The following NDFIP2 variants were observed in gnomAD, a reference collection of about 807,000 sequenced individuals.
NDFIP2 encodes the protein NEDD4 family-interacting protein 2.
In NDFIP2, 19 loss-of-function variants were observed where a neutral mutation model predicts 36.0. The ratio of observed to expected loss-of-function variants is 0.53; its 90% CI spans 0.37 to 0.77. The LOEUF (loss-of-function observed/expected upper bound fraction) is 0.77. NDFIP2 is among the 30% of genes least tolerant of loss of function. The pLI is 0.00. For missense variants in NDFIP2, 446 were observed against 435.8 expected, an observed-to-expected ratio of 1.02 and a Z score of -0.21; for synonymous variants, 181 against 167.7, an observed-to-expected ratio of 1.08 and a Z score of -0.61.
chr13:79,535,803 G>A (rs1028502002), intron 3 of NDFIP2, among the ~76,000 whole-genome samples: 1 of 151,848 alleles, frequency 6.6e-6, no homozygotes, highest in African/African-American at 2.4e-5. Context: ...AATATTTGAG[G>A]TACTGTACAT....
chr13:79,534,968 C>T (rs753507683), intron 3 of NDFIP2, among the ~76,000 whole-genome samples: 2 of 152,068 alleles, frequency 1.3e-5, no homozygotes, highest in South Asian at 2.1e-4. Flanking sequence ...CAGTAAACTC[C>T]GAATTTATTT....
chr13:79,493,944 A>G (rs942526510), intron 1 of NDFIP2, among the ~76,000 whole-genome samples: 1 of 152,144 alleles, frequency 6.6e-6, no homozygotes, highest in Non-Finnish European at 1.5e-5. Context: ...CAAAAGACGA[A>G]TAATTAAAAA....
chr13:79,549,055 T>C (rs1566669491), intron 6 of NDFIP2, among the ~76,000 whole-genome samples: 1 of 151,990 alleles, frequency 6.6e-6, no homozygotes, highest in African/African-American at 2.4e-5. Flanking sequence ...ACCTTTTGTT[T>C]CTAGTTAAGA....
chr13:79,542,394 G>A (rs538159094), intron 4 of NDFIP2, among the ~76,000 whole-genome samples: 2 of 152,266 alleles, frequency 1.3e-5, no homozygotes, highest in African/African-American at 4.8e-5. Context: ...TTGCCAAACT[G>A]TCTTCCAAAG....
chr13:79,507,153 G>C (rs1350237328), intron 1 of NDFIP2, among the ~76,000 whole-genome samples: 3 of 151,946 alleles, frequency 2.0e-5, no homozygotes, highest in Non-Finnish European at 4.4e-5. Context: ...CTGTTTACCA[G>C]AAGTTAGTCT....
intron 5 of NDFIP2, among the ~76,000 whole-genome samples, chr13:79,545,850 C>T (rs945655370): frequency 9.9e-5 from 15 of 152,136 alleles, no homozygotes; most frequent in African/African-American, 3.6e-4. Flanking sequence ...AATTCTCCTG[C>T]CTCATCCTCC....
intron 2 of NDFIP2, among the ~76,000 whole-genome samples, 184 bp downstream of exon 2, chr13:79,521,159 G>A (rs1874567258): frequency 1.3e-5 from 2 of 151,988 alleles, no homozygotes; most frequent in East Asian, 1.9e-4. Flanking sequence ...ATGTGTGTAT[G>A]TATATATGTG....
intron 1 of NDFIP2, among the ~76,000 whole-genome samples, chr13:79,488,074 A>G (rs1470169530): frequency 6.6e-6 from 1 of 152,072 alleles, no homozygotes; most frequent in East Asian, 1.9e-4. Flanking sequence ...CTTTTTCTCA[A>G]AGGTGTGTTA....
At chr13:79,529,325 A>G (rs980731415) in intron 2 of NDFIP2, among the ~76,000 whole-genome samples, 6 of 152,154 alleles carry the variant, frequency 3.9e-5, no homozygotes, top group Non-Finnish European at 7.3e-5. Context: ...TTCATGTATT[A>G]GTGGTAGGGA....
At chr13:79,505,674 T>C (rs1214945160) in intron 1 of NDFIP2, among the ~76,000 whole-genome samples, 1 of 149,636 alleles carries the variant, frequency 6.7e-6, no homozygotes, top group East Asian at 1.9e-4. Flanking sequence ...AAAGAATAGG[T>C]AGTATTGCTG....
chr13:79,510,998 C>CA (rs11425903), intron 1 of NDFIP2, among the ~76,000 whole-genome samples: 14,497 of 95,188 alleles, frequency 0.15, 1,104 homozygotes, highest in African/African-American at 0.27. Context: ...GACTCTGTCT[C>CA]AAAAAAAAAA....
intron 5 of NDFIP2, among the ~76,000 whole-genome samples, chr13:79,545,154 T>C (rs1239527355): frequency 6.6e-6 from 1 of 152,176 alleles, no homozygotes; most frequent in Non-Finnish European, 1.5e-5. Context: ...ATTATTCAAA[T>C]GGGATTTCTC....
chr13:79,540,594 G>A (rs1195225001), intron 4 of NDFIP2, among the ~76,000 whole-genome samples: 1 of 152,074 alleles, frequency 6.6e-6, no homozygotes, highest in Non-Finnish European at 1.5e-5. Flanking sequence ...TTAGTTAAAA[G>A]CTTTATTATG....
At chr13:79,536,892 G>A (rs1875263107) in intron 3 of NDFIP2, among the ~76,000 whole-genome samples, 1 of 151,930 alleles carries the variant, frequency 6.6e-6, no homozygotes, top group African/African-American at 2.4e-5. Context: ...GCTAGGTGTG[G>A]TGGCATGCAC....
At chr13:79,504,647 G>C (rs9574433) in intron 1 of NDFIP2, among the ~76,000 whole-genome samples, 1 of 134,386 alleles carries the variant, frequency 7.4e-6, no homozygotes, top group Non-Finnish European at 1.6e-5. Context: ...TTTTTTTTTT[G>C]TCTTTCATTA....
At chr13:79,534,401 A>AT (rs1467632048) in intron 3 of NDFIP2, among the ~76,000 whole-genome samples, 1 of 138,434 alleles carries the variant, frequency 7.2e-6, no homozygotes, top group South Asian at 2.3e-4. Flanking sequence ...GAATTTTGGA[A>AT]TGATGATCAA....
chr13:79,543,213 G>C (rs1875529514), intron 4 of NDFIP2, among the ~76,000 whole-genome samples: 1 of 152,166 alleles, frequency 6.6e-6, no homozygotes, highest in Non-Finnish European at 1.5e-5. Flanking sequence ...TTTGTTGGCT[G>C]ATTGCTTAGG....
chr13:79,523,161 A>G (rs1486786654), intron 2 of NDFIP2, among the ~76,000 whole-genome samples: 1 of 152,190 alleles, frequency 6.6e-6, no homozygotes, highest in South Asian at 2.1e-4. Context: ...CTAGAGCTAC[A>G]GCTAGCACTG....
chr13:79,497,660 G>GTTTTTTTTTTTTTTTT (rs1282594237), intron 1 of NDFIP2, among the ~76,000 whole-genome samples: 1 of 126,734 alleles, frequency 7.9e-6, no homozygotes, highest in Admixed American at 7.8e-5. Context: ...AGATTTCTGA[G>GTTTTTTTTTTTTTTTT]TTTTTTTTTT....
Sources: gnomAD v4.1 joint callset for allele counts (sites outside exome capture counted in the v4.1 genomes callset) on GRCh38, gnomAD v4.1.1 for gene constraint, MANE v1.5 for transcripts, NCBI Gene and HGNC (gene_info 2026-07-23, HGNC 2026-07-21) for gene names.